Variants in CNTNAP2 observed in about 807,000 individuals in gnomAD.
The protein encoded by CNTNAP2 is contactin associated protein 2.
CNTNAP2 carries 98 observed loss-of-function variants against 155.2 expected under a neutral mutation model. The ratio of observed to expected loss-of-function variants is 0.63; its 90% CI spans 0.54 to 0.75. The LOEUF (loss-of-function observed/expected upper bound fraction) is 0.75, where lower values mean the gene tolerates loss of function less well. CNTNAP2 is among the 30% of genes least tolerant of loss of function. The pLI, the probability that CNTNAP2 is intolerant of heterozygous loss-of-function variation, is 0.00. For missense variants in CNTNAP2, 1,727 were observed against 1,688.1 expected, an observed-to-expected ratio of 1.02 and a Z score of -0.40; for synonymous variants, 651 against 631.2, an observed-to-expected ratio of 1.03 and a Z score of -0.47.
intron 3 of CNTNAP2, among the ~76,000 whole-genome samples, chr7:146,914,176 C>T (rs1796346194): frequency 6.6e-6 from 1 of 151,850 alleles, no homozygotes; most frequent in African/African-American, 2.4e-5. Flanking sequence ...GAATACACAC[C>T]ACATTTTCTT....
chr7:146,124,553 G>T (rs546956832), intron 1 of CNTNAP2, among the ~76,000 whole-genome samples: 1 of 152,028 alleles, frequency 6.6e-6, no homozygotes, highest in Admixed American at 6.6e-5. Context: ...TATTAAGTAC[G>T]TGTTAAATAA....
intron 8 of CNTNAP2, among the ~76,000 whole-genome samples, chr7:147,294,373 CTT>C: frequency 6.6e-6 from 1 of 152,168 alleles, no homozygotes; most frequent in Admixed American, 6.5e-5. Context: ...ATGTCAGTGT[CTT>C]TGCCCTAACT....
intron 21 of CNTNAP2, among the ~76,000 whole-genome samples, chr7:148,294,664 C>T (rs1797249485): frequency 6.6e-6 from 1 of 152,260 alleles, no homozygotes; most frequent in Admixed American, 6.5e-5. Flanking sequence ...GTATGATCAA[C>T]TTTGTATATT....
chr7:146,977,005 G>A (rs10237706), intron 3 of CNTNAP2, among the ~76,000 whole-genome samples: 2,641 of 152,184 alleles, frequency 0.017, 75 homozygotes, highest in African/African-American at 0.059. Flanking sequence ...AAAATGAGTG[G>A]ATAAAAGGAA....
At chr7:147,452,901 T>G (rs986361251) in intron 10 of CNTNAP2, among the ~76,000 whole-genome samples, 2 of 109,604 alleles carry the variant, frequency 1.8e-5, no homozygotes, top group Non-Finnish European at 3.7e-5. Flanking sequence ...ACAAAGAATA[T>G]AAAGGAATGA....
intron 1 of CNTNAP2, among the ~76,000 whole-genome samples, chr7:146,421,231 T>C (rs574067123): frequency 6.6e-6 from 1 of 152,036 alleles, no homozygotes; most frequent in Non-Finnish European, 1.5e-5. Context: ...TTAACAAGTA[T>C]GTATACCATG....
At chr7:147,550,209 T>C (rs777757532) in intron 11 of CNTNAP2, among the ~76,000 whole-genome samples, 17 of 152,180 alleles carry the variant, frequency 1.1e-4, no homozygotes, top group Non-Finnish European at 2.1e-4. Context: ...GGGTTCTCTT[T>C]TTTGAGAGAG....
At chr7:148,011,826 A>G (rs1368014496) in intron 15 of CNTNAP2, among the ~76,000 whole-genome samples, 1 of 152,222 alleles carries the variant, frequency 6.6e-6, no homozygotes, top group Non-Finnish European at 1.5e-5. Context: ...TATTCTGGCC[A>G]AGACAGATGA....
intron 8 of CNTNAP2, among the ~76,000 whole-genome samples, chr7:147,186,965 A>T (rs1215018290): frequency 2.0e-5 from 2 of 101,284 alleles, no homozygotes; most frequent in East Asian, 5.8e-4. Flanking sequence ...CCATTCTCAA[A>T]ATTTCAGACT....
intron 10 of CNTNAP2, among the ~76,000 whole-genome samples, chr7:147,477,978 C>T (rs933183850): frequency 5.3e-5 from 8 of 152,112 alleles, no homozygotes; most frequent in South Asian, 2.1e-4. Flanking sequence ...TCTATCAGTT[C>T]AGTTTTTTCA....
At chr7:148,082,128 C>T (rs920045567) in intron 15 of CNTNAP2, among the ~76,000 whole-genome samples, 1 of 151,546 alleles carries the variant, frequency 6.6e-6, no homozygotes, top group African/African-American at 2.4e-5. Context: ...AAGGGCATTG[C>T]AGTAGGAATA....
intron 5 of CNTNAP2, 137 bp downstream of exon 5, chr7:147,108,487 A>G (rs1800812260): frequency 2.6e-6 from 2 of 763,336 alleles, no homozygotes; most frequent in South Asian, 2.0e-5. Flanking sequence ...AATCTATAAC[A>G]GTAGGTATAT....
At chr7:146,203,311 T>C (rs1367312265) in intron 1 of CNTNAP2, among the ~76,000 whole-genome samples, 1 of 152,238 alleles carries the variant, frequency 6.6e-6, no homozygotes, top group Non-Finnish European at 1.5e-5. Context: ...TGCCTCTTTC[T>C]GATGGACAAG....
At chr7:147,046,758 G>A (rs539359924) in intron 4 of CNTNAP2, among the ~76,000 whole-genome samples, 25 of 152,106 alleles carry the variant, frequency 1.6e-4, no homozygotes, top group Admixed American at 5.9e-4. Context: ...GGCCGGGCGC[G>A]GTGGCTCACA....
intron 10 of CNTNAP2, among the ~76,000 whole-genome samples, chr7:147,450,868 T>C (rs1584955231): frequency 6.6e-6 from 1 of 152,220 alleles, no homozygotes; most frequent in Non-Finnish European, 1.5e-5. Flanking sequence ...GTCTGTCACC[T>C]CCATTAAACT....
At chr7:148,022,550 G>A (rs16883780) in intron 15 of CNTNAP2, among the ~76,000 whole-genome samples, 49,682 of 151,700 alleles carry the variant, frequency 0.33, 8,872 homozygotes, top group African/African-American at 0.47. Context: ...ATAAGTAATA[G>A]TCTTAGTGAC....
chr7:146,649,667 A>G (rs1799872318), intron 1 of CNTNAP2, among the ~76,000 whole-genome samples: 1 of 152,172 alleles, frequency 6.6e-6, no homozygotes, highest in Admixed American at 6.6e-5. Context: ...TCAATAGGAA[A>G]TGGGTCCTTT....
intron 15 of CNTNAP2, among the ~76,000 whole-genome samples, chr7:148,062,330 A>C (rs193103425): frequency 1.1e-3 from 168 of 152,294 alleles, no homozygotes; most frequent in Middle Eastern, 6.8e-3. Flanking sequence ...CAAGCGATTC[A>C]TTTTGCCAGA....
intron 13 of CNTNAP2, among the ~76,000 whole-genome samples, chr7:147,802,755 G>C (rs1046149896): frequency 6.8e-6 from 1 of 146,276 alleles, no homozygotes; most frequent in Admixed American, 6.9e-5. Flanking sequence ...CGGCATCAGA[G>C]GGAGACTGTG....
Sources: allele counts gnomAD v4.1 joint callset (sites outside exome capture counted in the v4.1 genomes callset), GRCh38; gene constraint gnomAD v4.1.1; transcripts MANE v1.5; gene names NCBI Gene and HGNC (gene_info 2026-07-23, HGNC 2026-07-21).